Variants in ADAMTS18 observed in about 807,000 individuals in gnomAD.
ADAMTS18 encodes the protein ADAM metallopeptidase with thrombospondin type 1 motif 18.
In ADAMTS18, 157 loss-of-function variants were observed where a neutral mutation model predicts 165.9. That is an observed-to-expected ratio of 0.95 (90% CI 0.83 to 1.08). The LOEUF is 1.08. Among genes scored for constraint, ADAMTS18 ranks in the 50% least tolerant of loss-of-function variants. ADAMTS18 has a pLI of 0.00. For synonymous variants in ADAMTS18, 782 were observed against 578.2 expected (o/e 1.35, Z -5.06); for missense variants, 2,040 against 1,534.0 (o/e 1.33, Z -5.51).
intron 5 of ADAMTS18, 75 bp from the exon 6 acceptor site, chr16:77,363,960 C>T: frequency 7.1e-7 from 1 of 1,400,548 alleles, no homozygotes; most frequent in South Asian, 1.2e-5. Context: ...GACATATTGA[C>T]TGAAGTACGC....
chr16:77,295,579 T>C (rs1275633037), intron 18 of ADAMTS18, among the ~76,000 whole-genome samples: 1 of 152,058 alleles, frequency 6.6e-6, no homozygotes, highest in Non-Finnish European at 1.5e-5. Flanking sequence ...GAAGTCAACA[T>C]AAAATACAAT....
At position 77,411,677 on chromosome 16, in the gene ADAMTS18, ATT is replaced by A. The variant is rs34453966; in HGVS notation, c.495+19616_495+19617del. Among the ~76,000 whole-genome samples the A allele has an allele frequency of 4.1e-3, 305 of 73,866 alleles. 1 individual carries two copies. The highest frequency in any genetic ancestry group is 0.016 in the Middle Eastern group (1 of 62). The allele number at this position is 73,866 out of a possible 152,430, so 48.5% of individuals were successfully genotyped here. A position where few individuals can be genotyped will look rare whatever the true frequency, so the allele number is the denominator to read the frequency against. On this transcript the variant is annotated intron_variant, in intron 3 of 22. Transcript: ENST00000282849. ...CTTGATGGACCACAGAGTATCCAGAATTTTTTTTTTTTTTTTTTTTTTTTTTT... is the reference window on the plus strand; with the variant it reads ...CTTGATGGACCACAGAGTATCCAGAATTTTTTTTTTTTTTTTTTTTTTTTT...
rs539558845 is a variant in ADAMTS18, at chr16:77,377,531, T to C, written c.496-9808A>G. On this transcript the variant is annotated intron_variant, in intron 3 of 22. Transcript: ENST00000282849. Reference sequence around the variant, plus strand: ...ATGATGTAAGCATATCTTAAAGAAGTATTTGAAATAATAATAAAAACAGCC... The same window carrying C: ...ATGATGTAAGCATATCTTAAAGAAGCATTTGAAATAATAATAAAAACAGCC... 1.1e-4 allele frequency among the ~76,000 whole-genome samples: 16 copies of C among 152,326 alleles called. No individual in the cohort carries two copies. In the East Asian group the frequency reaches 3.1e-3, roughly 29 times the overall value.
intron 7 of ADAMTS18, among the ~76,000 whole-genome samples, chr16:77,361,684 G>A (rs1361304901): frequency 6.6e-6 from 1 of 152,134 alleles, no homozygotes; most frequent in Non-Finnish European, 1.5e-5. Flanking sequence ...AGGAGTTCGA[G>A]ACCAGCCTGG....
At chr16:77,329,960 G>A (rs1310704156) in intron 12 of ADAMTS18, among the ~76,000 whole-genome samples, 2 of 152,100 alleles carry the variant, frequency 1.3e-5, no homozygotes, top group Non-Finnish European at 2.9e-5. Flanking sequence ...TAGTTACAAT[G>A]GTGTTGCTTG....
chr16:77,363,034 T>C lies in ADAMTS18; in HGVS notation c.1056+768A>G, dbSNP rs76577099. ...GGCAATTAGATCAACTTTTGTCTTG[T>C]CTGTGTCTTCCTGCTTTTTATGTTT... On this transcript the variant is annotated intron_variant, in intron 6 of 22. Coordinates refer to ENST00000282849, the MANE Select transcript of ADAMTS18 (RefSeq NM_199355.4). Among the ~76,000 whole-genome samples, 807 of 152,334 alleles carry C rather than the reference T, an allele frequency of 5.3e-3. 11 individuals are homozygous for C. The highest frequency in any genetic ancestry group is 0.019 in the African/African-American group (777 of 41,576).
chr16:77,367,184 C>T (rs1484831309), intron 4 of ADAMTS18, among the ~76,000 whole-genome samples: 1 of 152,108 alleles, frequency 6.6e-6, no homozygotes, highest in African/African-American at 2.4e-5. Flanking sequence ...GCACAGAAAT[C>T]AAGACTGGGA....
intron 3 of ADAMTS18, among the ~76,000 whole-genome samples, chr16:77,420,083 C>A (rs905856859): frequency 6.7e-6 from 1 of 149,376 alleles, no homozygotes; most frequent in East Asian, 2.0e-4. Context: ...CCCTTCGAAG[C>A]CTTTTTTTCT....
chr16:77,344,746 A>C (rs1221240820), intron 10 of ADAMTS18, among the ~76,000 whole-genome samples: 1 of 151,580 alleles, frequency 6.6e-6, no homozygotes, highest in African/African-American at 2.4e-5. Context: ...AGCAAAACAA[A>C]AAAAAAAACA....
At chr16:77,409,304 C>T (rs561303017) in intron 3 of ADAMTS18, among the ~76,000 whole-genome samples, 4 of 152,214 alleles carry the variant, frequency 2.6e-5, no homozygotes, top group Non-Finnish European at 5.9e-5. Flanking sequence ...AACTAAGTGG[C>T]CACATTTTAG....
At chr16:77,300,046 C>T in intron 17 of ADAMTS18, 7 of 523,622 alleles carry the variant, frequency 1.3e-5, no homozygotes, top group South Asian at 2.5e-5. Context: ...ACTTTTGAGC[C>T]TTGGTTGTGG....
At chr16:77,425,764 C>T (rs538453673) in intron 3 of ADAMTS18, among the ~76,000 whole-genome samples, 20 of 152,062 alleles carry the variant, frequency 1.3e-4, no homozygotes, top group African/African-American at 4.3e-4. Context: ...AGGAGTGGGC[C>T]GGGCACGGTG....
intron 3 of ADAMTS18, among the ~76,000 whole-genome samples, chr16:77,409,843 T>C (rs1048804836): frequency 7.2e-5 from 11 of 152,164 alleles, no homozygotes; most frequent in East Asian, 3.9e-4. Flanking sequence ...CACCAATGTA[T>C]AGAGACGTTT....
chr16:77,323,217 T>A (rs181097155), intron 13 of ADAMTS18, among the ~76,000 whole-genome samples: 75 of 152,280 alleles, frequency 4.9e-4, no homozygotes, highest in Non-Finnish European at 2.1e-4. Flanking sequence ...GGCCAGGAAT[T>A]CCAGATAACG....
intron 11 of ADAMTS18, among the ~76,000 whole-genome samples, chr16:77,336,946 G>T (rs976968734): frequency 2.6e-5 from 4 of 152,156 alleles, no homozygotes; most frequent in Non-Finnish European, 4.4e-5. Flanking sequence ...GGAATTGGGG[G>T]ATCGGTTACA....
intron 15 of ADAMTS18, among the ~76,000 whole-genome samples, chr16:77,320,638 C>CAA (rs35022198): frequency 6.7e-6 from 1 of 149,448 alleles, no homozygotes; most frequent in Non-Finnish European, 1.5e-5. Context: ...GACTCTGTCT[C>CAA]AAAAAAAAAA....
In ADAMTS18 at chr16:77,335,827, C is replaced by A; in HGVS notation, c.1788G>T (p.Ser596=). 1 of 1,614,208 alleles carries A rather than the reference C, an allele frequency of 6.2e-7. No individual in the cohort carries two copies. The highest frequency in any genetic ancestry group is 1.1e-5 in the South Asian group (1 of 91,086). ...ATGTCCGGGAACATTCTGACCACTT[C>A]GACCAGGCGGACCACTGGCCGTGGA... ...RPIHGQWSAW[S]KWSECSRTCG... is the part of the protein sequence containing the mutation. The change falls in exon 12 of 23, where the codon TCG becomes TCT. Residue 596 remains serine (S), a synonymous_variant. Coordinates refer to ENST00000282849, the MANE Select transcript of ADAMTS18 (RefSeq NM_199355.4).
chr16:77,357,471 A>G (rs2144722308), intron 8 of ADAMTS18, among the ~76,000 whole-genome samples: 1 of 152,244 alleles, frequency 6.6e-6, no homozygotes, highest in South Asian at 2.1e-4. Flanking sequence ...CGTTAAGGGG[A>G]TTTCTTTGGG....
intron 3 of ADAMTS18, among the ~76,000 whole-genome samples, chr16:77,430,288 G>A (rs950526533): frequency 7.2e-5 from 11 of 152,174 alleles, no homozygotes; most frequent in African/African-American, 1.2e-4. Context: ...AAAGAATACC[G>A]TGATTGTGGT....
Sources: allele counts gnomAD v4.1 joint callset (sites outside exome capture counted in the v4.1 genomes callset), GRCh38; gene constraint gnomAD v4.1.1; transcripts MANE v1.5; gene names NCBI Gene and HGNC (gene_info 2026-07-23, HGNC 2026-07-21).